SLC24A4: variants seen among roughly 807,000 people sequenced by gnomAD.
SLC24A4 encodes the protein solute carrier family 24 member 4.
Under a neutral mutation model 79.0 loss-of-function variants are expected in SLC24A4, and 53 were observed. That is an observed-to-expected ratio of 0.67 (90% CI 0.54 to 0.84). The LOEUF (loss-of-function observed/expected upper bound fraction) is 0.84, where lower values mean the gene tolerates loss of function less well. Among genes scored for constraint, SLC24A4 ranks in the 40% least tolerant of loss-of-function variants. The pLI, the probability that SLC24A4 is intolerant of heterozygous loss-of-function variation, is 0.00. For synonymous variants in SLC24A4, 323 were observed against 323.8 expected, an observed-to-expected ratio of 1.00 and a Z score of 0.03; for missense variants, 731 against 822.0, an observed-to-expected ratio of 0.89 and a Z score of 1.35.
intron 2 of SLC24A4, among the ~76,000 whole-genome samples, chr14:92,361,557 C>T (rs1336858588): frequency 6.6e-6 from 1 of 152,098 alleles, no homozygotes; most frequent in Non-Finnish European, 1.5e-5. Flanking sequence ...ATTTGTTCCA[C>T]CAACACATTA....
chr14:92,485,218 C>A (rs1201684036), intron 13 of SLC24A4, among the ~76,000 whole-genome samples: 5 of 152,160 alleles, frequency 3.3e-5, no homozygotes, highest in African/African-American at 1.2e-4. Flanking sequence ...AATCCCAGCA[C>A]TTCGGGAGGC....
intron 2 of SLC24A4, among the ~76,000 whole-genome samples, chr14:92,417,350 AAAG>A (rs974848171): frequency 1.8e-4 from 28 of 152,108 alleles, no homozygotes; most frequent in African/African-American, 6.0e-4. Flanking sequence ...AACATTTAAA[AAAG>A]AAAAATAGCT....
chr14:92,460,848 G>A (rs1893759317), intron 12 of SLC24A4, among the ~76,000 whole-genome samples: 1 of 152,210 alleles, frequency 6.6e-6, no homozygotes, highest in Non-Finnish European at 1.5e-5. Context: ...GGATTGCCGG[G>A]GTGGAGCCCG....
chr14:92,449,107 C>G lies in SLC24A4; in HGVS notation c.771C>G (p.Val257=), dbSNP rs373038645. ...TGAAGATGCAAGCCTTTTTCACAGTCAAACAAAAGAGCATTGCAAACGGTA... is the reference window on the plus strand; with the variant it reads ...TGAAGATGCAAGCCTTTTTCACAGTGAAACAAAAGAGCATTGCAAACGGTA... The part of the protein sequence containing the change: ...YNVKMQAFFT[V]KQKSIANGNP... The change falls in exon 10 of 17, where the codon GTC becomes GTG. Residue 257 remains valine, a synonymous_variant. Coordinates refer to ENST00000532405, the MANE Select transcript of SLC24A4 (RefSeq NM_153646.4). 3.3e-5 allele frequency: 53 copies of G among 1,614,066 alleles called. No individual in the cohort carries two copies. The highest frequency in any genetic ancestry group is 4.3e-5 in the Non-Finnish European group (51 of 1,180,030).
intron 12 of SLC24A4, among the ~76,000 whole-genome samples, chr14:92,476,869 C>T (rs1894792470): frequency 6.6e-6 from 1 of 152,134 alleles, no homozygotes; most frequent in South Asian, 2.1e-4. Flanking sequence ...CATGTGGTAC[C>T]ATGTATCAGT....
At chr14:92,384,116 TG>T (rs371541447) in intron 2 of SLC24A4, among the ~76,000 whole-genome samples, 6 of 152,238 alleles carry the variant, frequency 3.9e-5, no homozygotes, top group Admixed American at 6.5e-5. Flanking sequence ...GCCTGGTGGT[TG>T]TTTTCCCCCC....
At chr14:92,491,927 G>C in intron 15 of SLC24A4, 150 bp downstream of exon 15, 2 of 700,238 alleles carry the variant, frequency 2.9e-6, no homozygotes, top group Non-Finnish European at 5.0e-6. Flanking sequence ...GCACCTTAGG[G>C]ATGTCTACAC....
At position 92,490,060 on chromosome 14, in the gene SLC24A4, G is replaced by A. The variant is rs1895597272; in HGVS notation, c.1538-1605G>A. ...GAGTGTAAGGGGCCAACAGATGACA[G>A]CAACAAGCAGGGGAGGAGGAGGTGA... On this transcript the variant is annotated intron_variant, in intron 14 of 16. Transcript: ENST00000532405. The surrounding 1 kb of genome is among the most constrained non-coding windows in gnomAD (Gnocchi z 4.3). Among the ~76,000 whole-genome samples, 1 of 152,152 alleles carries A rather than the reference G, an allele frequency of 6.6e-6. No homozygotes were observed. The highest frequency in any genetic ancestry group is 2.4e-5 in the African/African-American group (1 of 41,430).
At chr14:92,475,042 A>G (rs1282392559) in intron 12 of SLC24A4, among the ~76,000 whole-genome samples, 1 of 151,112 alleles carries the variant, frequency 6.6e-6, no homozygotes, top group Non-Finnish European at 1.5e-5. Context: ...CCTGGTAGTA[A>G]TGGTGAGATG....
chr14:92,403,172 A>G (rs889350188), intron 2 of SLC24A4, among the ~76,000 whole-genome samples: 1 of 152,074 alleles, frequency 6.6e-6, no homozygotes, highest in Non-Finnish European at 1.5e-5. Context: ...CTGGTTGACG[A>G]AGTCCTCTGG....
intron 2 of SLC24A4, among the ~76,000 whole-genome samples, chr14:92,360,440 G>C (rs1887443246): frequency 6.6e-6 from 1 of 152,150 alleles, no homozygotes; most frequent in East Asian, 1.9e-4. Flanking sequence ...GTTTTGTCCA[G>C]TTTTCATTGT....
chr14:92,323,542 G>C lies in SLC24A4; in HGVS notation c.-289G>C, dbSNP rs1262035720. On this transcript the variant is annotated 5_prime_UTR_variant, in exon 1 of 17. Transcript: ENST00000532405. The surrounding 1 kb of genome is among the most constrained non-coding windows in gnomAD (Gnocchi z 4.9). ...GGGACTGCGCCAGCCCTGCGAGCCC[G>C]GGCCGCCAGCGCCACCGTGCCGGCG... 4 of 230,746 alleles carry C rather than the reference G, an allele frequency of 1.7e-5. No individual in the cohort carries two copies. Among genetic ancestry groups the C allele is most frequent in the Non-Finnish European group, 3.3e-5 (4 of 119,964 alleles). 14.3% of individuals were successfully genotyped at this position (230,746 alleles called of 1,614,324 possible).
intron 2 of SLC24A4, among the ~76,000 whole-genome samples, chr14:92,401,951 A>G (rs1890137841): frequency 6.6e-6 from 1 of 152,210 alleles, no homozygotes; most frequent in Admixed American, 6.5e-5. Flanking sequence ...CACCAATGTC[A>G]GTAAGAGTAA....
chr14:92,396,177 G>A (rs938853820), intron 2 of SLC24A4, among the ~76,000 whole-genome samples: 5 of 152,132 alleles, frequency 3.3e-5, no homozygotes, highest in Non-Finnish European at 5.9e-5. Context: ...AGCAAATCAC[G>A]AATAGTTTAG....
At chr14:92,342,967 C>G (rs534606263) in intron 2 of SLC24A4, among the ~76,000 whole-genome samples, 1 of 152,302 alleles carries the variant, frequency 6.6e-6, no homozygotes, top group East Asian at 1.9e-4. Context: ...CCCACAAGGG[C>G]GAATGGGCCT....
At chr14:92,434,094 C>T (rs932460160) in intron 3 of SLC24A4, 106 bp downstream of exon 3, 24 of 883,306 alleles carry the variant, frequency 2.7e-5, no homozygotes, top group South Asian at 5.4e-5. Flanking sequence ...CTTGTAACAG[C>T]CCAGTGAGGA....
At chr14:92,385,787 G>A (rs530524942) in intron 2 of SLC24A4, among the ~76,000 whole-genome samples, 83 of 152,252 alleles carry the variant, frequency 5.5e-4, no homozygotes, top group African/African-American at 1.6e-3. Context: ...GCTGGGTGTC[G>A]CAAGGACAGC....
chr14:92,458,401 C>A (rs950678821), intron 12 of SLC24A4, among the ~76,000 whole-genome samples: 5 of 152,184 alleles, frequency 3.3e-5, no homozygotes, highest in Non-Finnish European at 7.3e-5. Context: ...CTGGCATGCC[C>A]GCACACCTGC....
intron 12 of SLC24A4, among the ~76,000 whole-genome samples, chr14:92,465,266 G>A (rs772066309): frequency 1.3e-5 from 2 of 152,208 alleles, no homozygotes; most frequent in Admixed American, 6.5e-5. Context: ...TCACGGGTGA[G>A]GACATGGAGG....
Sources: gnomAD v4.1 joint callset for allele counts (sites outside exome capture counted in the v4.1 genomes callset) on GRCh38, gnomAD v4.1.1 for gene constraint, Gnocchi (gnomAD v3.1) non-coding constraint, MANE v1.5 for transcripts, NCBI Gene and HGNC (gene_info 2026-07-23, HGNC 2026-07-21) for gene names.